Variants in PTPN2 observed in about 807,000 individuals in gnomAD.
PTPN2 encodes tyrosine-protein phosphatase non-receptor type 2.
PTPN2 carries 19 observed loss-of-function variants against 57.3 expected under a neutral mutation model. The ratio of observed to expected loss-of-function variants is 0.33; its 90% CI spans 0.23 to 0.49. The LOEUF (loss-of-function observed/expected upper bound fraction) is 0.49. Among genes scored for constraint, PTPN2 ranks in the 20% least tolerant of loss-of-function variants. The pLI is 0.99. For synonymous variants in PTPN2, 153 were observed against 164.9 expected, an observed-to-expected ratio of 0.93 and a Z score of 0.55; for missense variants, 358 against 501.1, an observed-to-expected ratio of 0.71 and a Z score of 2.73.
intron 2 of PTPN2, among the ~76,000 whole-genome samples, chr18:12,847,898 C>G (rs1598842339): frequency 7.2e-6 from 1 of 138,586 alleles, no homozygotes; most frequent in African/African-American, 2.7e-5. Context: ...TGCACTAGGC[C>G]AAAACTGAAT....
At chr18:12,866,930 A>T (rs566991065) in intron 1 of PTPN2, among the ~76,000 whole-genome samples, 1 of 152,100 alleles carries the variant, frequency 6.6e-6, no homozygotes, top group South Asian at 2.1e-4. Flanking sequence ...GCTTGAACCC[A>T]GAAGGCGGTG....
intron 7 of PTPN2, 43 bp from the exon 8 acceptor site, chr18:12,802,194 AATTT>A: frequency 7.0e-7 from 1 of 1,420,110 alleles, no homozygotes; most frequent in Non-Finnish European, 9.5e-7. Context: ...AAACATTAAA[AATTT>A]ATTTTCCTTA....
intron 2 of PTPN2, chr18:12,840,590 T>G (rs1238791064): frequency 9.0e-7 from 1 of 1,114,468 alleles, no homozygotes; most frequent in African/African-American, 1.5e-5. Context: ...CTCACAGCCC[T>G]ATGAAGTGCA....
At chr18:12,853,367 C>T (rs951146097) in intron 2 of PTPN2, among the ~76,000 whole-genome samples, 13 of 152,210 alleles carry the variant, frequency 8.5e-5, no homozygotes, top group African/African-American at 3.1e-4. Flanking sequence ...TCTCAAACTC[C>T]TGGCCTTAAG....
intron 5 of PTPN2, among the ~76,000 whole-genome samples, chr18:12,825,230 T>C (rs1017191153): frequency 6.6e-6 from 1 of 152,222 alleles, no homozygotes; most frequent in Non-Finnish European, 1.5e-5. Context: ...CCATTTTTTT[T>C]CCAACTCAAT....
intron 7 of PTPN2, among the ~76,000 whole-genome samples, chr18:12,805,563 T>C (rs2145264805): frequency 6.6e-6 from 1 of 152,056 alleles, no homozygotes; most frequent in South Asian, 2.1e-4. Context: ...AAACCCATAG[T>C]TAATATCATA....
chr18:12,833,910 G>A (rs2042757581), intron 3 of PTPN2, among the ~76,000 whole-genome samples: 1 of 152,190 alleles, frequency 6.6e-6, no homozygotes, highest in Non-Finnish European at 1.5e-5. Context: ...ATATCCAATA[G>A]AGACCTGAAA....
At position 12,792,283 on chromosome 18, in the gene PTPN2, T is replaced by A. The variant is rs958200036; in HGVS notation, c.*1995A>T. The A allele has an allele frequency of 5.7e-5, 9 of 157,556 alleles. No individual in the cohort carries two copies. The highest frequency in any genetic ancestry group is 6.4e-5 in the Non-Finnish European group (8 of 125,118). 9.8% of individuals were successfully genotyped at this position (157,556 alleles called of 1,614,324 possible). A position where few individuals can be genotyped will look rare whatever the true frequency, so the allele number is the denominator to read the frequency against. On this transcript the variant is annotated 3_prime_UTR_variant, in exon 9 of 9. Transcript: ENST00000309660. ...CTATCTATACCAATGGTTTTCAAAC[T>A]TTTTTTTTTTTTTTTTTTGAGACGA...
intron 8 of PTPN2, 140 bp downstream of exon 8, chr18:12,801,830 A>G (rs543949042): frequency 1.2e-6 from 1 of 849,204 alleles, no homozygotes; most frequent in South Asian, 1.7e-5. Flanking sequence ...TGGCCTCCCA[A>G]AGTGTTGAGA....
intron 5 of PTPN2, among the ~76,000 whole-genome samples, chr18:12,825,119 A>ACC (rs2145349625): frequency 6.7e-6 from 1 of 148,326 alleles, no homozygotes; most frequent in African/African-American, 2.6e-5. Flanking sequence ...CAACCAACCA[A>ACC]ACAAACACCC....
intron 5 of PTPN2, among the ~76,000 whole-genome samples, chr18:12,822,327 C>A (rs957519945): frequency 6.6e-6 from 1 of 152,138 alleles, no homozygotes; most frequent in African/African-American, 2.4e-5. Context: ...CTGGAACTCA[C>A]TAAACGTAAA....
intron 7 of PTPN2, among the ~76,000 whole-genome samples, chr18:12,810,827 T>C (rs2041867563): frequency 6.6e-6 from 1 of 151,982 alleles, no homozygotes; most frequent in African/African-American, 2.4e-5. Context: ...GAACTGAAAA[T>C]CCTGAGCCCT....
intron 2 of PTPN2, among the ~76,000 whole-genome samples, chr18:12,844,769 T>C (rs992383853): frequency 2.0e-5 from 3 of 152,218 alleles, no homozygotes; most frequent in Admixed American, 6.5e-5. Flanking sequence ...GTATAAATTA[T>C]TGATATTTTA....
intron 9 of PTPN2, chr18:12,785,887 C>T (rs1353031972): frequency 6.6e-7 from 1 of 1,519,338 alleles, no homozygotes; most frequent in South Asian, 1.1e-5. Context: ...TTCATATTTA[C>T]CAAACACACA....
At chr18:12,883,942 C>T (rs1353176695) in intron 1 of PTPN2, 131 bp downstream of exon 1, 1 of 711,772 alleles carries the variant, frequency 1.4e-6, no homozygotes, top group Non-Finnish European at 2.2e-6. Flanking sequence ...TGACGCGGAC[C>T]GCGCCGCCAC....
chr18:12,831,360 T>G (rs2042662727), intron 3 of PTPN2, among the ~76,000 whole-genome samples: 1 of 152,138 alleles, frequency 6.6e-6, no homozygotes, highest in Admixed American at 6.6e-5. Context: ...ACAAGCAAGG[T>G]CCTGCCCCAA....
At chr18:12,849,840 ATTATGTT>A (rs2043334713) in intron 2 of PTPN2, among the ~76,000 whole-genome samples, 1 of 152,016 alleles carries the variant, frequency 6.6e-6, no homozygotes, top group Admixed American at 6.6e-5. Flanking sequence ...GTTTTGGTAA[ATTATGTT>A]TTTCTAGGAA....
intron 1 of PTPN2, among the ~76,000 whole-genome samples, chr18:12,870,786 G>A (rs989775831): frequency 6.6e-6 from 1 of 151,806 alleles, no homozygotes; most frequent in South Asian, 2.1e-4. Flanking sequence ...TGAGATTACA[G>A]GAGTGAGCCA....
At chr18:12,795,053 G>C (rs1327297331) in intron 8 of PTPN2, among the ~76,000 whole-genome samples, 1 of 152,192 alleles carries the variant, frequency 6.6e-6, no homozygotes, top group African/African-American at 2.4e-5. Flanking sequence ...CACGTGAATT[G>C]ATGACTGTTA....
Sources: allele counts gnomAD v4.1 joint callset (sites outside exome capture counted in the v4.1 genomes callset), GRCh38; gene constraint gnomAD v4.1.1; transcripts MANE v1.5; gene names NCBI Gene and HGNC (gene_info 2026-07-23, HGNC 2026-07-21).